Variants in BHLHE40 observed in about 807,000 individuals in gnomAD.
The protein encoded by BHLHE40 is class E basic helix-loop-helix protein 40.
In BHLHE40, 3 loss-of-function variants were observed where a neutral mutation model predicts 35.7. The observed-to-expected ratio is 0.08, with a 90% CI of 0.04 to 0.22. The LOEUF (loss-of-function observed/expected upper bound fraction) is 0.22, where lower values mean the gene tolerates loss of function less well. Ranked by LOEUF, BHLHE40 falls within the 10% of genes least tolerant of loss-of-function variation. BHLHE40 has a pLI of 1.00. For synonymous variants in BHLHE40, 236 were observed against 213.0 expected (o/e 1.11, Z -0.94); for missense variants, 486 against 524.0 (o/e 0.93, Z 0.71).
rs781556992 is a variant in BHLHE40, at chr3:4,983,241, G to T, written c.788G>T (p.Ser263Ile). 1.9e-6 allele frequency: 3 copies of T among 1,614,214 alleles called. No homozygotes were observed. The East Asian group carries it at 6.7e-5, about 36-fold the overall frequency. ...DLRSEQPCFK[S>I]DHGRRFTMGE... is the part of the protein sequence containing the mutation. ...CGCAGTGAGCAGCCGTGCTTCAAAA[G>T]TGACCACGGACGCAGGTTCACGATG... Residue 263 changes from serine to isoleucine, a missense_variant, in exon 5 of 5, where the codon AGT becomes ATT. This residue lies in a region of BHLHE40 where 206 missense variants were observed against 208.9 expected (regional missense o/e 0.99). Transcript: ENST00000256495. The surrounding 1 kb of genome is among the most constrained non-coding windows in gnomAD (Gnocchi z 5.0).
At chr3:4,980,721 C>T (rs1190854560) in intron 3 of BHLHE40, among the ~76,000 whole-genome samples, 2 of 152,162 alleles carry the variant, frequency 1.3e-5, no homozygotes, top group Non-Finnish European at 2.9e-5. Context: ...AAGAAACACA[C>T]ACATTTTATT....
chr3:4,983,984 G>C lies in BHLHE40; in HGVS notation c.*292G>C. ...GGGGGGGATTGTAGCAGACGTCTGG[G>C]CTTTTCCCCACCCAGAGAATAGCCC... is the stretch of plus-strand genomic sequence containing the variant. On this transcript the variant is annotated 3_prime_UTR_variant, in exon 5 of 5. Transcript: ENST00000256495. The surrounding 1 kb of genome is among the most constrained non-coding windows in gnomAD (Gnocchi z 5.0). The C allele has an allele frequency of 2.6e-6, 1 of 382,790 alleles. No homozygotes were observed. The highest frequency in any genetic ancestry group is 4.7e-6 in the Non-Finnish European group (1 of 212,174). The allele number at this position is 382,790 out of a possible 1,614,324, so 23.7% of individuals were successfully genotyped here.
chr3:4,981,156 T>C lies in BHLHE40; in HGVS notation c.259-236T>C, dbSNP rs2053191062. Among the ~76,000 whole-genome samples the C allele has an allele frequency of 1.4e-5, 2 of 142,718 alleles. 1 individual carries two copies. Among genetic ancestry groups the C allele is most frequent in the African/African-American group, 5.2e-5 (2 of 38,200 alleles). 93.6% of individuals were successfully genotyped at this position (142,718 alleles called of 152,430 possible). A position where few individuals can be genotyped will look rare whatever the true frequency, so the allele number is the denominator to read the frequency against. ...AGGTGGCACCCGTTTTTTTAAATTA[T>C]TTAATTATATATATATATTATATAT... On this transcript the variant is annotated intron_variant, in intron 3 of 4. Coordinates refer to ENST00000256495, the MANE Select transcript of BHLHE40 (RefSeq NM_003670.3).
At position 4,979,662 on chromosome 3, in the gene BHLHE40, A is replaced by G; in HGVS notation, c.-57A>G. On this transcript the variant is annotated 5_prime_UTR_variant, in exon 1 of 5. Transcript: ENST00000256495. ...CGAAGCCCTCTCCAGGGCAGTCCTCATCCAGACGCTCCGCTAGTGCAGACA... is the reference window on the plus strand; with the variant it reads ...CGAAGCCCTCTCCAGGGCAGTCCTCGTCCAGACGCTCCGCTAGTGCAGACA... 6.5e-7 allele frequency: 1 copy of G among 1,539,864 alleles called. No homozygotes were observed. The highest frequency in any genetic ancestry group is 1.2e-5 in the South Asian group (1 of 83,610).
intron 4 of BHLHE40, 23 bp from the exon 5 acceptor site, chr3:4,982,813 C>G: frequency 1.2e-6 from 2 of 1,613,428 alleles, no homozygotes; most frequent in Non-Finnish European, 1.7e-6. Context: ...GAAACGTTTT[C>G]CTTCGGATTT....
chr3:4,980,488 C>G, intron 3 of BHLHE40, 80 bp downstream of exon 3: 1 of 1,176,130 alleles, frequency 8.5e-7, no homozygotes, highest in Non-Finnish European at 1.2e-6. Context: ...GCAGGTTCCG[C>G]GGGGAACTGC....
rs978761720 is a variant in BHLHE40, at chr3:4,984,913, A to G, written c.*1221A>G. The stretch of plus-strand genomic sequence containing the variant: ...CGTTGCCTTTATTTGTAAAGCTGTT[A>G]TAAATATATATTATATAAATATATT... On this transcript the variant is annotated 3_prime_UTR_variant, in exon 5 of 5. Transcript: ENST00000256495. 2.6e-5 allele frequency: 4 copies of G among 151,848 alleles called. No homozygotes were observed. Among genetic ancestry groups the G allele is most frequent in the Non-Finnish European group, 4.4e-5 (3 of 67,832 alleles). The allele number at this position is 151,848 out of a possible 1,614,324, so 9.4% of individuals were successfully genotyped here.
In BHLHE40 at chr3:4,983,209, C is replaced by T. The variant is rs896699657; in HGVS notation, c.756C>T (p.Gly252=). ...DSGYGGESEK[G]DLRSEQPCFK... ...GCTATGGAGGAGAATCGGAGAAGGGCGACTTGCGCAGTGAGCAGCCGTGCT... is the reference window on the plus strand; with the variant it reads ...GCTATGGAGGAGAATCGGAGAAGGGTGACTTGCGCAGTGAGCAGCCGTGCT... The change falls in exon 5 of 5, where the codon GGC becomes GGT. Residue 252 remains glycine, a synonymous_variant. Transcript: ENST00000256495. This position sits in a 1 kb window ranked among gnomAD's most constrained non-coding sequence, Gnocchi z 5.0. 3.7e-6 allele frequency: 6 copies of T among 1,614,156 alleles called. No individual in the cohort carries two copies. Among genetic ancestry groups the T allele is most frequent in the Admixed American group, 1.7e-5 (1 of 60,014 alleles).
chr3:4,979,691 G>C lies in BHLHE40; in HGVS notation c.-28G>C. On this transcript the variant is annotated 5_prime_UTR_variant, in exon 1 of 5. Transcript: ENST00000256495. Reference sequence around the variant, plus strand: ...AGACGCTCCGCTAGTGCAGACAGGAGCGCGCAGTGGCCCCGGCTCGCCGCG... The same window carrying C: ...AGACGCTCCGCTAGTGCAGACAGGACCGCGCAGTGGCCCCGGCTCGCCGCG... 2 of 1,550,054 alleles carry C rather than the reference G, an allele frequency of 1.3e-6. No individual in the cohort carries two copies. Among genetic ancestry groups the C allele is most frequent in the Non-Finnish European group, 8.7e-7 (1 of 1,146,728 alleles).
chr3:4,984,117 A>G lies in BHLHE40; in HGVS notation c.*425A>G, dbSNP rs1434895312. ...TGGCTTTGATCAGAAGGTACTTTCAAAAGAGGGCTTTCCAGGGCTCAGCTC... is the reference window on the plus strand; with the variant it reads ...TGGCTTTGATCAGAAGGTACTTTCAGAAGAGGGCTTTCCAGGGCTCAGCTC... On this transcript the variant is annotated 3_prime_UTR_variant, in exon 5 of 5. Coordinates refer to ENST00000256495, the MANE Select transcript of BHLHE40 (RefSeq NM_003670.3). 6.3e-6 allele frequency: 1 copy of G among 158,974 alleles called. No individual in the cohort carries two copies. Among genetic ancestry groups the G allele is most frequent in the Non-Finnish European group, 1.4e-5 (1 of 72,464 alleles). 9.8% of individuals were successfully genotyped at this position (158,974 alleles called of 1,614,324 possible). A position where few individuals can be genotyped will look rare whatever the true frequency, so the allele number is the denominator to read the frequency against.
In BHLHE40 at chr3:4,980,005, G is replaced by A; in HGVS notation, c.124G>A (p.Gly42Arg). Reference protein sequence around the residue: ...HMYQVYKSRRGIKRSEDSKET... With the variant: ...HMYQVYKSRRRIKRSEDSKET... The stretch of plus-strand genomic sequence containing the variant: ...GTACCAAGTGTACAAGTCAAGACGG[G>A]GAATAAAGCGGAGCGAGGACAGCAA... The change falls in exon 2 of 5, where the codon GGA becomes AGA. Residue 42 changes from glycine (G) to arginine (R), a missense_variant. Gly to Arg is a moderately radical substitution (Grantham distance 125, BLOSUM62 -2). Transcript: ENST00000256495. The A allele has an allele frequency of 6.2e-7, 1 of 1,614,170 alleles. No homozygotes were observed. Among genetic ancestry groups the A allele is most frequent in the Non-Finnish European group, 8.5e-7 (1 of 1,180,020 alleles).
chr3:4,982,550 G>A (rs1461598574), intron 4 of BHLHE40, among the ~76,000 whole-genome samples: 1 of 152,040 alleles, frequency 6.6e-6, no homozygotes, highest in Non-Finnish European at 1.5e-5. Flanking sequence ...CCAAAAGAGG[G>A]GAAACAGCTC....
At chr3:4,980,789 G>A (rs995393302) in intron 3 of BHLHE40, among the ~76,000 whole-genome samples, 8 of 151,970 alleles carry the variant, frequency 5.3e-5, no homozygotes, top group Non-Finnish European at 1.2e-4. Flanking sequence ...CAAATAAGGG[G>A]ACTTGCTTTG....
chr3:4,981,161 TTA>T (rs1216564775), intron 3 of BHLHE40, among the ~76,000 whole-genome samples: 8 of 136,184 alleles, frequency 5.9e-5, no homozygotes, highest in South Asian at 2.3e-4. Context: ...AATTATTTAA[TTA>T]TATATATATA....
chr3:4,981,149 T>A (rs892490466), intron 3 of BHLHE40, among the ~76,000 whole-genome samples: 10 of 146,444 alleles, frequency 6.8e-5, no homozygotes, highest in Admixed American at 1.4e-4. Flanking sequence ...CCCGTTTTTT[T>A]AAATTATTTA....
rs1363138337 is a variant in BHLHE40, at chr3:4,979,512, A to G, written c.-207A>G. 5.0e-6 allele frequency: 3 copies of G among 595,814 alleles called. No individual in the cohort carries two copies. Among genetic ancestry groups the G allele is most frequent in the African/African-American group, 1.9e-5 (1 of 53,180 alleles). The allele number at this position is 595,814 out of a possible 1,614,324, so 36.9% of individuals were successfully genotyped here. The stretch of plus-strand genomic sequence containing the variant: ...CCAGTCTGTGCGCTGAGTCGGAGCC[A>G]GAGGCCGCGGGGACACCGGGCCATG... On this transcript the variant is annotated 5_prime_UTR_variant, in exon 1 of 5. Transcript: ENST00000256495.
intron 2 of BHLHE40, 47 bp from the exon 3 acceptor site, chr3:4,980,254 C>G (rs868511623): frequency 2.0e-6 from 3 of 1,526,452 alleles, no homozygotes; most frequent in African/African-American, 1.4e-5. Flanking sequence ...GGATAGGCTT[C>G]TCATCTCCTT....
chr3:4,982,819 G>T lies in BHLHE40; in HGVS notation c.383-17G>T. On this transcript the variant is annotated splice_polypyrimidine_tract_variant and intron_variant, in intron 4 of 4. Coordinates refer to ENST00000256495, the MANE Select transcript of BHLHE40 (RefSeq NM_003670.3). Reference sequence around the variant, plus strand: ...AGGCCTTCTGAAACGTTTTCCTTCGGATTTTTCTTTCCCCAGGTGAGCTGT... The same window carrying T: ...AGGCCTTCTGAAACGTTTTCCTTCGTATTTTTCTTTCCCCAGGTGAGCTGT... The T allele has an allele frequency of 6.2e-7, 1 of 1,613,610 alleles. No individual in the cohort carries two copies. Among genetic ancestry groups the T allele is most frequent in the Non-Finnish European group, 8.5e-7 (1 of 1,179,878 alleles).
intron 4 of BHLHE40, 53 bp downstream of exon 4, chr3:4,981,568 A>AT: frequency 6.3e-7 from 1 of 1,594,504 alleles, no homozygotes; most frequent in Admixed American, 1.8e-5. Context: ...GCAAATAGAG[A>AT]GCCCGTGGGC....
Sources: gnomAD v4.1 joint callset for allele counts (sites outside exome capture counted in the v4.1 genomes callset) on GRCh38, gnomAD v4.1.1 for gene constraint, gnomAD v4.1.1 regional missense constraint, Gnocchi (gnomAD v3.1) non-coding constraint, MANE v1.5 for transcripts, NCBI Gene and HGNC (gene_info 2026-07-23, HGNC 2026-07-21) for gene names.